SUN1: variants seen among roughly 807,000 people sequenced by gnomAD.
The protein encoded by SUN1 is SUN domain-containing protein 1.
Under a neutral mutation model 103.2 loss-of-function variants are expected in SUN1, and 61 were observed. The ratio of observed to expected loss-of-function variants is 0.59; its 90% CI spans 0.48 to 0.73. The LOEUF is 0.73. SUN1 is among the 30% of genes least tolerant of loss of function. SUN1 has a pLI of 0.00. For missense variants in SUN1, 1,052 were observed against 1,034.6 expected, an observed-to-expected ratio of 1.02 and a Z score of -0.23; for synonymous variants, 490 against 425.7, an observed-to-expected ratio of 1.15 and a Z score of -1.86.
In SUN1 at chr7:853,463, G is replaced by A; in HGVS notation, c.1108G>A (p.Ala370Thr). Residue 370 changes from alanine to threonine, a missense_variant, in exon 10 of 19, where the codon GCC becomes ACC. This residue lies in a region of SUN1 where 846 missense variants were observed against 774.5 expected (regional missense o/e 1.09). Coordinates refer to ENST00000401592, the MANE Select transcript of SUN1 (RefSeq NM_001130965.3). The stretch of plus-strand genomic sequence containing the variant: ...GATGAGTGGCGTGGAGCAGCAGGTG[G>A]CCTCTCTGTCTGGACAGTGCCACCA... ...HWMSGVEQQV[A>T]SLSGQCHHHG... 1 of 1,614,038 alleles carries A rather than the reference G, an allele frequency of 6.2e-7. No homozygotes were observed. The highest frequency in any genetic ancestry group is 8.5e-7 in the Non-Finnish European group (1 of 1,180,050).
Position 843,531 on chromosome 7 carries a change from G to T in SUN1, c.658+11G>T, listed in dbSNP as rs749846315. The T allele has an allele frequency of 5.6e-6, 9 of 1,613,974 alleles. No individual in the cohort carries two copies. Among genetic ancestry groups the T allele is most frequent in the Non-Finnish European group, 7.6e-6 (9 of 1,179,916 alleles). ...ACAGGAATCAAAAATGTAAGTCTCAGTCCTTTAAAACTCAGAAAAAGGTGT... is the reference window on the plus strand; with the variant it reads ...ACAGGAATCAAAAATGTAAGTCTCATTCCTTTAAAACTCAGAAAAAGGTGT... On this transcript the variant is annotated intron_variant, in intron 5 of 18. Transcript: ENST00000401592.
chr7:864,266 G>A (rs11769203), intron 15 of SUN1, among the ~76,000 whole-genome samples: 5,749 of 152,126 alleles, frequency 0.038, 121 homozygotes, highest in Non-Finnish European at 0.049. Flanking sequence ...TGCACAATTA[G>A]GCCAGGTGTA....
At chr7:847,517 G>C (rs1479765549) in intron 5 of SUN1, among the ~76,000 whole-genome samples, 38 of 84,332 alleles carry the variant, frequency 4.5e-4, no homozygotes, top group African/African-American at 1.6e-3. Flanking sequence ...CGGAGTTGGC[G>C]GCCTTCCCCT....
Position 853,394 on chromosome 7 carries a change from C to T in SUN1, c.1054-15C>T. The T allele has an allele frequency of 1.9e-6, 3 of 1,612,872 alleles. No homozygotes were observed. Among genetic ancestry groups the T allele is most frequent in the Non-Finnish European group, 2.5e-6 (3 of 1,179,990 alleles). On this transcript the variant is annotated splice_polypyrimidine_tract_variant and intron_variant, in intron 9 of 18. Transcript: ENST00000401592. Reference sequence around the variant, plus strand: ...TGTTTGACTACCTGGTTTCATTTCTCTCTTGCCATTTCAGGGTGACAGTGA... The same window carrying T: ...TGTTTGACTACCTGGTTTCATTTCTTTCTTGCCATTTCAGGGTGACAGTGA...
chr7:853,044 G>A, intron 9 of SUN1, 92 bp downstream of exon 9: 1 of 1,464,574 alleles, frequency 6.8e-7, no homozygotes, highest in South Asian at 1.4e-5. Context: ...CTTCAGTTGG[G>A]TGTCCTGTTG....
At chr7:838,647 C>T (rs1005382733) in intron 1 of SUN1, 151 bp from the exon 2 acceptor site, 11 of 735,098 alleles carry the variant, frequency 1.5e-5, no homozygotes, top group Middle Eastern at 2.6e-4. Context: ...TGTGTGCCAC[C>T]GTACGTTTGC....
At chr7:865,721 C>A (rs1328681535) in intron 15 of SUN1, among the ~76,000 whole-genome samples, 1 of 152,198 alleles carries the variant, frequency 6.6e-6, no homozygotes, top group Admixed American at 6.5e-5. Flanking sequence ...CGTGAGGGTT[C>A]CCTTTCTCCA....
At chr7:849,846 C>A in intron 5 of SUN1, 1 of 1,429,802 alleles carries the variant, frequency 7.0e-7, no homozygotes. Flanking sequence ...TACAGACTGC[C>A]ATTGCTATGC....
chr7:860,035 A>T, intron 13 of SUN1, 93 bp from the exon 14 acceptor site: 1 of 1,465,648 alleles, frequency 6.8e-7, no homozygotes, highest in East Asian at 2.3e-5. Context: ...GAGAGGATAT[A>T]TAATTCTTCT....
rs1047648550 is a variant in SUN1 at position 872,482 on chromosome 7, G to A, written c.2161G>A (p.Glu721Lys). 3.7e-6 allele frequency: 6 copies of A among 1,602,930 alleles called. No homozygotes were observed. The African/African-American group carries it at 5.3e-5, about 14-fold the overall frequency. The change falls in exon 18 of 19, where the codon GAG (glutamate) becomes AAG (lysine). Residue 721 changes from glutamate to lysine, a missense_variant. Transcript: ENST00000401592. ...GTCTTGTTTTCAGGGATTAGAAAAT[G>A]AGTATCAGGAAGAAGGGCAGCTTCT... Reference protein sequence around the residue: ...KDFAVYGLENEYQEEGQLLGQ... With the variant: ...KDFAVYGLENKYQEEGQLLGQ...
At chr7:872,695 C>T in intron 18 of SUN1, 133 bp downstream of exon 18, 3 of 693,828 alleles carry the variant, frequency 4.3e-6, no homozygotes, top group Non-Finnish European at 4.9e-6. Context: ...CCTGCGCTTC[C>T]TGGCTCTGCG....
intron 16 of SUN1, among the ~76,000 whole-genome samples, chr7:868,245 G>C (rs1351098817): frequency 6.6e-6 from 1 of 152,276 alleles, no homozygotes; most frequent in African/African-American, 2.4e-5. Flanking sequence ...CCTGGGCGCA[G>C]CGTCTGCAAC....
intron 5 of SUN1, chr7:848,537 G>A (rs1277058557): frequency 7.3e-7 from 1 of 1,361,290 alleles, no homozygotes; most frequent in East Asian, 4.6e-5. Context: ...TTATGAATCA[G>A]AAAATTACAA....
chr7:818,940 C>T (rs928465356), intron 1 of SUN1, among the ~76,000 whole-genome samples: 3 of 151,794 alleles, frequency 2.0e-5, no homozygotes, highest in East Asian at 3.9e-4. Flanking sequence ...CTCAGCTCAC[C>T]GCGACCTCCG....
Position 857,736 on chromosome 7 carries a change from G to A in SUN1, c.1395-92G>A, listed in dbSNP as rs76778705. 6.2e-3 allele frequency: 8,706 copies of A among 1,413,042 alleles called. 513 individuals carry two copies. In the East Asian group the frequency reaches 0.15, roughly 24 times the overall value. 87.5% of individuals were successfully genotyped at this position (1,413,042 alleles called of 1,614,324 possible). The stretch of plus-strand genomic sequence containing the variant: ...ATCTGTACAGTTGTGACACCCAGGA[G>A]TGGGATCGGGTTCCCCTCAGCCTGT... On this transcript the variant is annotated intron_variant, in intron 12 of 18. Transcript: ENST00000401592.
intron 2 of SUN1, among the ~76,000 whole-genome samples, chr7:839,337 A>G (rs1806715476): frequency 6.6e-6 from 1 of 152,222 alleles, no homozygotes; most frequent in African/African-American, 2.4e-5. Context: ...TGTAAAGAGG[A>G]AGGAATCTTA....
chr7:871,788 C>G (rs1202097700), intron 17 of SUN1, among the ~76,000 whole-genome samples: 1 of 152,206 alleles, frequency 6.6e-6, no homozygotes. Context: ...AAGTCCTTTC[C>G]CATTTCAAAA....
intron 3 of SUN1, 168 bp from the exon 4 acceptor site, chr7:843,038 T>C (rs1282372786): frequency 3.3e-6 from 3 of 910,054 alleles, no homozygotes; most frequent in Non-Finnish European, 5.1e-6. Flanking sequence ...AGTCAGAAGA[T>C]GGTATCTGCA....
rs374671919 is a variant in SUN1, at chr7:852,932, C to T, written c.1033C>T (p.Arg345Cys). 1.5e-5 allele frequency: 24 copies of T among 1,613,408 alleles called. No homozygotes were observed. The highest frequency in any genetic ancestry group is 8.3e-5 in the Admixed American group (5 of 59,944). ...PQDVFKPTTS[R>C]LKQPLQGDSE... ...GGACGTGTTTAAACCCACGACTTCT[C>T]GCCTGAAGCAGCCTCTGCAGGTAAG... is the stretch of plus-strand genomic sequence containing the variant. The change falls in exon 9 of 19, where the codon CGC becomes TGC. Residue 345 changes from arginine (R) to cysteine (C), a missense_variant. This residue lies in a region of SUN1 where 846 missense variants were observed against 774.5 expected (regional missense o/e 1.09). Coordinates refer to ENST00000401592, the MANE Select transcript of SUN1 (RefSeq NM_001130965.3).
Sources: gnomAD v4.1 joint callset for allele counts (sites outside exome capture counted in the v4.1 genomes callset) on GRCh38, gnomAD v4.1.1 for gene constraint, gnomAD v4.1.1 regional missense constraint, MANE v1.5 for transcripts, NCBI Gene and HGNC (gene_info 2026-07-23, HGNC 2026-07-21) for gene names.